EHF: variants seen among roughly 807,000 people sequenced by gnomAD.
EHF encodes the protein ETS homologous factor, also known as ESE3 transcription factor.
EHF carries 14 observed loss-of-function variants against 45.1 expected under a neutral mutation model. That is an observed-to-expected ratio of 0.31 (90% CI 0.21 to 0.49). The LOEUF (loss-of-function observed/expected upper bound fraction) is 0.49, where lower values mean the gene tolerates loss of function less well. Among genes scored for constraint, EHF ranks in the 20% least tolerant of loss-of-function variants. The pLI is 0.99. For missense variants in EHF, 282 were observed against 371.4 expected (o/e 0.76, Z 1.98); for synonymous variants, 136 against 131.8 (o/e 1.03, Z -0.22).
chr11:34,637,675 A>G (rs903253925), intron 1 of EHF, among the ~76,000 whole-genome samples: 131 of 152,282 alleles, frequency 8.6e-4, no homozygotes, highest in African/African-American at 3.0e-3. Flanking sequence ...TGGGTAGCAC[A>G]CAGGGCTCCT....
chr11:34,648,085 T>C (rs1340040707), intron 3 of EHF, among the ~76,000 whole-genome samples: 1 of 152,226 alleles, frequency 6.6e-6, no homozygotes, highest in Non-Finnish European at 1.5e-5. Context: ...TCTGAGTTCC[T>C]AATGTCCAGG....
At chr11:34,655,096 AGAG>A (rs1855536673) in intron 6 of EHF, among the ~76,000 whole-genome samples, 1 of 152,112 alleles carries the variant, frequency 6.6e-6, no homozygotes, top group Non-Finnish European at 1.5e-5. Flanking sequence ...ACAGGGAGGG[AGAG>A]TGAAGTCTCC....
intron 2 of EHF, 92 bp downstream of exon 2, chr11:34,642,819 G>T (rs1365347294): frequency 3.2e-6 from 3 of 927,174 alleles, no homozygotes. Context: ...AAAAATATAG[G>T]CTTTACAGCA....
chr11:34,648,055 C>T (rs960392846), intron 3 of EHF, among the ~76,000 whole-genome samples: 3 of 152,182 alleles, frequency 2.0e-5, no homozygotes, highest in Non-Finnish European at 2.9e-5. Flanking sequence ...TGTTTGGTCT[C>T]ATCGCATGCT....
intron 1 of EHF, among the ~76,000 whole-genome samples, chr11:34,636,732 T>C (rs2134052576): frequency 6.6e-6 from 1 of 152,220 alleles, no homozygotes; most frequent in Non-Finnish European, 1.5e-5. Flanking sequence ...AGAGCTTCCC[T>C]CAAGACATGT....
chr11:34,651,440 T>TC, intron 4 of EHF, 102 bp from the exon 5 acceptor site: 2 of 918,950 alleles, frequency 2.2e-6, no homozygotes, highest in Admixed American at 3.7e-5. Context: ...GGACCACTCC[T>TC]CACCCCCCAT....
intron 2 of EHF, among the ~76,000 whole-genome samples, chr11:34,645,427 G>T (rs1462294699): frequency 6.6e-6 from 1 of 152,004 alleles, no homozygotes; most frequent in Non-Finnish European, 1.5e-5. Context: ...TAAATATATG[G>T]TGAGCATCTA....
intron 1 of EHF, among the ~76,000 whole-genome samples, chr11:34,638,392 G>C (rs1853658602): frequency 6.6e-6 from 1 of 152,172 alleles, no homozygotes; most frequent in African/African-American, 2.4e-5. Context: ...TAGGTACCAG[G>C]CACTCTGCTG....
rs768039258 is a variant in EHF at position 34,651,797 on chromosome 11, T to A, written c.536T>A (p.Leu179His). The A allele has an allele frequency of 3.1e-6, 5 of 1,613,890 alleles. No individual in the cohort carries two copies. Among genetic ancestry groups the A allele is most frequent in the Non-Finnish European group, 4.2e-6 (5 of 1,179,882 alleles). Reference sequence around the variant, plus strand: ...ATCTCCATGACAACCACCAGTCACCTTCCTGTTGGTAAGCTGTCATCACAT... The same window carrying A: ...ATCTCCATGACAACCACCAGTCACCATCCTGTTGGTAAGCTGTCATCACAT... ...AQISMTTTSH[L>H]PVAESPDMKK... Residue 179 changes from leucine (L) to histidine (H), a missense_variant, in exon 6 of 9, where the codon CTT becomes CAT. By Grantham distance (99) the Leu-to-His change is moderately conservative. Transcript: ENST00000257831.
At chr11:34,635,563 T>C (rs982094481) in intron 1 of EHF, among the ~76,000 whole-genome samples, 2 of 151,220 alleles carry the variant, frequency 1.3e-5, no homozygotes, top group Non-Finnish European at 2.9e-5. Flanking sequence ...GTGATTCTCC[T>C]GCCTCAGCCT....
chr11:34,652,880 C>A (rs1855308880), intron 6 of EHF, among the ~76,000 whole-genome samples: 1 of 152,168 alleles, frequency 6.6e-6, no homozygotes, highest in African/African-American at 2.4e-5. Context: ...AGAGCTGAGG[C>A]CAGCATAGCT....
intron 1 of EHF, chr11:34,632,667 A>G (rs1376749105): frequency 1.3e-6 from 2 of 1,535,480 alleles, no homozygotes; most frequent in Admixed American, 2.0e-5. Flanking sequence ...GTCATTCTCA[A>G]ATGCCAGAGA....
chr11:34,621,854 T>C (rs286923), intron 1 of EHF, among the ~76,000 whole-genome samples: 1,566 of 152,224 alleles, frequency 0.01, 12 homozygotes, highest in Non-Finnish European at 0.015. Flanking sequence ...AAAACAAAAA[T>C]CAATTTTGGC....
At chr11:34,632,727 G>T (rs984511224) in intron 1 of EHF, 38 of 1,499,342 alleles carry the variant, frequency 2.5e-5, no homozygotes, top group Non-Finnish European at 3.0e-5. Flanking sequence ...ACAACAGGAG[G>T]TGGGGAATGA....
At chr11:34,647,054 AAC>A (rs1318477353) in intron 3 of EHF, among the ~76,000 whole-genome samples, 3 of 150,304 alleles carry the variant, frequency 2.0e-5, no homozygotes, top group African/African-American at 7.5e-5. Context: ...CAAAAAAAAA[AAC>A]AAAAAACAAA....
intron 1 of EHF, among the ~76,000 whole-genome samples, chr11:34,637,029 C>CAA (rs34992133): frequency 0.049 from 4,213 of 86,754 alleles, 295 homozygotes; most frequent in African/African-American, 0.18. Flanking sequence ...AACTTCATCT[C>CAA]AAAAAAAAAA....
intron 6 of EHF, among the ~76,000 whole-genome samples, chr11:34,652,447 G>C (rs1254462824): frequency 6.6e-6 from 1 of 152,218 alleles, no homozygotes; most frequent in Non-Finnish European, 1.5e-5. Flanking sequence ...GTTACACTGG[G>C]TGAGAAGTTT....
intron 1 of EHF, among the ~76,000 whole-genome samples, chr11:34,640,717 T>A (rs981294633): frequency 1.3e-5 from 2 of 152,344 alleles, no homozygotes; most frequent in Non-Finnish European, 2.9e-5. Context: ...TTTCTTTCTC[T>A]GAGGGTGAGA....
Position 34,648,968 on chromosome 11 carries a change from G to T in EHF, c.344-51G>T, listed in dbSNP as rs527885621. 1.1e-5 allele frequency: 18 copies of T among 1,567,170 alleles called. No homozygotes were observed. The East Asian group carries it at 3.2e-4, about 27-fold the overall frequency. Reference sequence around the variant, plus strand: ...AGTTCTGTCCTTATTTAAGCATCCAGTTCTGGCTCCATCTGGGCCCTCTCT... The same window carrying T: ...AGTTCTGTCCTTATTTAAGCATCCATTTCTGGCTCCATCTGGGCCCTCTCT... On this transcript the variant is annotated intron_variant, in intron 3 of 8. Transcript: ENST00000257831.
Sources: allele counts gnomAD v4.1 joint callset (sites outside exome capture counted in the v4.1 genomes callset), GRCh38; gene constraint gnomAD v4.1.1; transcripts MANE v1.5; gene names NCBI Gene and HGNC (gene_info 2026-07-23, HGNC 2026-07-21).